NOL4: variants seen among roughly 807,000 people sequenced by gnomAD.
NOL4 encodes the protein cancer/testis antigen 125.
Under a neutral mutation model 75.9 loss-of-function variants are expected in NOL4, and 17 were observed. The ratio of observed to expected loss-of-function variants is 0.22; its 90% CI spans 0.15 to 0.34. The LOEUF is 0.34. Among genes scored for constraint, NOL4 ranks in the 10% least tolerant of loss-of-function variants. The probability of loss-of-function intolerance (pLI) is 1.00; values close to 1 mark genes in which losing one functional copy is unlikely to be tolerated. For synonymous variants in NOL4, 292 were observed against 289.9 expected, an observed-to-expected ratio of 1.01 and a Z score of -0.07; for missense variants, 614 against 793.5, an observed-to-expected ratio of 0.77 and a Z score of 2.72.
intron 1 of NOL4, among the ~76,000 whole-genome samples, chr18:34,171,640 T>C (rs150154944): frequency 3.9e-4 from 59 of 152,264 alleles, no homozygotes; most frequent in African/African-American, 1.3e-3. Context: ...AAATTGGGCC[T>C]AGTGTGAAGG....
chr18:33,904,614 C>A (rs1353844155), intron 9 of NOL4, among the ~76,000 whole-genome samples: 1 of 152,092 alleles, frequency 6.6e-6, no homozygotes, highest in Non-Finnish European at 1.5e-5. Context: ...TAAGTCTTCA[C>A]CTGAAGGTAA....
intron 1 of NOL4, among the ~76,000 whole-genome samples, chr18:34,141,008 C>T (rs1231868070): frequency 6.6e-6 from 1 of 151,960 alleles, no homozygotes; most frequent in Admixed American, 6.6e-5. Context: ...AATCAATGTG[C>T]AAAAATCACA....
chr18:33,945,321 T>C (rs2068762813), intron 8 of NOL4, among the ~76,000 whole-genome samples: 1 of 151,826 alleles, frequency 6.6e-6, no homozygotes, highest in South Asian at 2.1e-4. Context: ...AGAATTTTAC[T>C]AAATGATTAC....
Position 34,026,248 on chromosome 18 carries a change from AAG to A in NOL4, c.773-6649_773-6648del, listed in dbSNP as rs528335663. On this transcript the variant is annotated intron_variant, in intron 5 of 10. Coordinates refer to ENST00000261592, the MANE Select transcript of NOL4 (RefSeq NM_003787.5). ...ACTGGAAGAGATGGATAATTGGACA[AAG>A]AGAGAATGCCTGGTTATGCCCTCCT... 5.3e-5 allele frequency among the ~76,000 whole-genome samples: 8 copies of A among 152,240 alleles called. No homozygotes were observed. The East Asian group carries it at 1.4e-3, about 26-fold the overall frequency.
At chr18:33,909,144 A>C (rs980987484) in intron 9 of NOL4, among the ~76,000 whole-genome samples, 1 of 152,152 alleles carries the variant, frequency 6.6e-6, no homozygotes, top group Admixed American at 6.6e-5. Context: ...AATGTTATTT[A>C]ACACTACTTG....
At chr18:34,065,275 C>T (rs1223810460) in intron 5 of NOL4, among the ~76,000 whole-genome samples, 1 of 151,846 alleles carries the variant, frequency 6.6e-6, no homozygotes, top group Admixed American at 6.6e-5. Context: ...TGTGTAGCCC[C>T]TTTGACACTT....
intron 5 of NOL4, among the ~76,000 whole-genome samples, chr18:34,092,133 T>C (rs1191189065): frequency 1.3e-5 from 2 of 151,984 alleles, no homozygotes; most frequent in Non-Finnish European, 2.9e-5. Context: ...AATGGAGTGA[T>C]ATACATTACT....
At chr18:33,903,421 C>A (rs1280320177) in intron 9 of NOL4, among the ~76,000 whole-genome samples, 4 of 152,114 alleles carry the variant, frequency 2.6e-5, no homozygotes, top group Non-Finnish European at 5.9e-5. Flanking sequence ...CAAACCATAT[C>A]AATACTTATC....
chr18:33,984,297 T>C (rs572032982), intron 6 of NOL4, among the ~76,000 whole-genome samples: 22 of 152,212 alleles, frequency 1.4e-4, no homozygotes, highest in Admixed American at 2.6e-4. Flanking sequence ...TACAGTGAAA[T>C]ATACCTCAGG....
At chr18:34,170,336 C>T (rs770691694) in intron 1 of NOL4, among the ~76,000 whole-genome samples, 1 of 151,994 alleles carries the variant, frequency 6.6e-6, no homozygotes, top group Non-Finnish European at 1.5e-5. Flanking sequence ...TGCCACACTG[C>T]CTGGCTAATT....
chr18:33,991,956 A>G (rs1377712767), intron 6 of NOL4, among the ~76,000 whole-genome samples: 1 of 148,106 alleles, frequency 6.8e-6, no homozygotes, highest in African/African-American at 2.7e-5. Context: ...CTTTTGATAT[A>G]TCTGCAAATA....
chr18:33,982,742 A>ATTT (rs953221382), intron 6 of NOL4, among the ~76,000 whole-genome samples: 31 of 104,906 alleles, frequency 3.0e-4, no homozygotes, highest in African/African-American at 7.4e-4. Flanking sequence ...AGACAATGGG[A>ATTT]TTTTTTTTTT....
At chr18:34,169,453 A>T (rs1349630177) in intron 1 of NOL4, among the ~76,000 whole-genome samples, 1 of 148,032 alleles carries the variant, frequency 6.8e-6, no homozygotes, top group Non-Finnish European at 1.5e-5. Context: ...CAAATAACAG[A>T]TTGGGCAAAC....
At chr18:34,190,291 G>A (rs1228092474) in intron 1 of NOL4, among the ~76,000 whole-genome samples, 2 of 151,860 alleles carry the variant, frequency 1.3e-5, no homozygotes, top group Non-Finnish European at 2.9e-5. Context: ...AGTATGGCTA[G>A]AGGCCATCTG....
At chr18:33,887,165 T>C (rs1242404662) in intron 9 of NOL4, among the ~76,000 whole-genome samples, 1 of 145,390 alleles carries the variant, frequency 6.9e-6, no homozygotes, top group Non-Finnish European at 1.5e-5. Context: ...TGTGTATATA[T>C]ATATAGATGT....
chr18:33,887,167 T>C (rs958248139), intron 9 of NOL4, among the ~76,000 whole-genome samples: 2 of 145,556 alleles, frequency 1.4e-5, no homozygotes, highest in Non-Finnish European at 1.5e-5. Context: ...TGTATATATA[T>C]ATAGATGTAT....
intron 5 of NOL4, among the ~76,000 whole-genome samples, chr18:34,066,972 G>A (rs186082123): frequency 5.1e-4 from 78 of 151,872 alleles, no homozygotes; most frequent in Non-Finnish European, 9.4e-4. Flanking sequence ...ACCTTTATAC[G>A]TCAGGCATTA....
At chr18:34,127,065 C>A (rs2080420446) in intron 2 of NOL4, among the ~76,000 whole-genome samples, 2 of 151,756 alleles carry the variant, frequency 1.3e-5, no homozygotes, top group Non-Finnish European at 2.9e-5. Context: ...TTACATATTC[C>A]TAAAATGTGT....
intron 6 of NOL4, among the ~76,000 whole-genome samples, chr18:34,002,524 TC>T (rs2073787026): frequency 6.6e-6 from 1 of 152,056 alleles, no homozygotes; most frequent in Admixed American, 6.6e-5. Flanking sequence ...GTCTTCTTGT[TC>T]CACCTCCAAC....
Sources: gnomAD v4.1 joint callset for allele counts (sites outside exome capture counted in the v4.1 genomes callset) on GRCh38, gnomAD v4.1.1 for gene constraint, MANE v1.5 for transcripts, NCBI Gene and HGNC (gene_info 2026-07-23, HGNC 2026-07-21) for gene names.